COPS4: variants seen among roughly 807,000 people sequenced by gnomAD.
The protein encoded by COPS4 is COP9 signalosome subunit 4.
COPS4 carries 8 observed loss-of-function variants against 55.1 expected under a neutral mutation model. That is an observed-to-expected ratio of 0.15 (90% CI 0.09 to 0.26). COPS4 has a LOEUF of 0.26. Among genes scored for constraint, COPS4 ranks in the 10% least tolerant of loss-of-function variants. The pLI is 1.00. For synonymous variants in COPS4, 185 were observed against 165.7 expected, an observed-to-expected ratio of 1.12 and a Z score of -0.90; for missense variants, 248 against 484.0, an observed-to-expected ratio of 0.51 and a Z score of 4.58.
At chr4:83,045,422 G>T (rs1321753937) in intron 1 of COPS4, among the ~76,000 whole-genome samples, 2 of 151,978 alleles carry the variant, frequency 1.3e-5, no homozygotes, top group South Asian at 2.1e-4. Flanking sequence ...TAGATGAAGT[G>T]GTACCTTATA....
chr4:83,069,345 C>T lies in COPS4; in HGVS notation c.1087+823C>T, dbSNP rs185197518. Among the ~76,000 whole-genome samples, 5 of 152,322 alleles carry T rather than the reference C, an allele frequency of 3.3e-5. No homozygotes were observed. In the East Asian group the frequency reaches 9.6e-4, roughly 29 times the overall value. On this transcript the variant is annotated intron_variant, in intron 9 of 9. Transcript: ENST00000264389. Reference sequence around the variant, plus strand: ...TCTTGTTTCTCTAGTGGTCTGTGGTCTGTCTCCGTTACTCTCAGTTCAATT... The same window carrying T: ...TCTTGTTTCTCTAGTGGTCTGTGGTTTGTCTCCGTTACTCTCAGTTCAATT...
intron 6 of COPS4, among the ~76,000 whole-genome samples, chr4:83,058,205 A>G (rs1731063708): frequency 6.6e-6 from 1 of 152,076 alleles, no homozygotes; most frequent in African/African-American, 2.4e-5. Context: ...TAGAATGGGT[A>G]TTAAGAGGAA....
chr4:83,047,550 AAAAAAACAATT>A (rs2126129072), intron 2 of COPS4, among the ~76,000 whole-genome samples: 1 of 151,654 alleles, frequency 6.6e-6, no homozygotes, highest in East Asian at 2.0e-4. Context: ...AGATTGTCTC[AAAAAAACAATT>A]AAAAAACATA....
intron 6 of COPS4, among the ~76,000 whole-genome samples, chr4:83,062,627 G>C (rs1300124748): frequency 2.0e-5 from 3 of 152,160 alleles, no homozygotes; most frequent in African/African-American, 7.2e-5. Flanking sequence ...TGATTTTGCT[G>C]TTTAAAATGG....
rs569493759 is a variant in COPS4, at chr4:83,065,978, C to G, written c.887-460C>G. Among the ~76,000 whole-genome samples the G allele has an allele frequency of 5.9e-5, 9 of 152,318 alleles. No homozygotes were observed. In the East Asian group the frequency reaches 1.7e-3, roughly 29 times the overall value. ...ACTGCCTGGCCAACATGACGAAACC[C>G]TGTCCCTACTAAAAATACAAAAAAT... On this transcript the variant is annotated intron_variant, in intron 7 of 9. Transcript: ENST00000264389.
At chr4:83,055,154 C>G (rs1730983838) in intron 4 of COPS4, among the ~76,000 whole-genome samples, 1 of 152,170 alleles carries the variant, frequency 6.6e-6, no homozygotes, top group African/African-American at 2.4e-5. Context: ...CATGGTGGCA[C>G]CACTTTTGCA....
At chr4:83,062,607 C>G (rs534788171) in intron 6 of COPS4, among the ~76,000 whole-genome samples, 48 of 152,184 alleles carry the variant, frequency 3.2e-4, no homozygotes, top group Admixed American at 9.8e-4. Context: ...CACTTCCGTT[C>G]TGTTACCAGT....
At chr4:83,054,545 T>TA (rs1392986860) in intron 4 of COPS4, among the ~76,000 whole-genome samples, 3 of 152,162 alleles carry the variant, frequency 2.0e-5, no homozygotes, top group Non-Finnish European at 2.9e-5. Context: ...GGCCAGTTTG[T>TA]AAAAAAGCCT....
intron 2 of COPS4, among the ~76,000 whole-genome samples, chr4:83,047,656 T>A (rs1730753518): frequency 6.6e-6 from 1 of 152,224 alleles, no homozygotes; most frequent in Non-Finnish European, 1.5e-5. Flanking sequence ...ATCATTTACA[T>A]CAACTGAACA....
chr4:83,036,592 T>C (rs922581095), intron 1 of COPS4, among the ~76,000 whole-genome samples: 6 of 152,230 alleles, frequency 3.9e-5, no homozygotes, highest in African/African-American at 1.2e-4. Flanking sequence ...AAGATGAGTA[T>C]GTGTGTGCAT....
chr4:83,043,873 T>C (rs1730635432), intron 1 of COPS4, among the ~76,000 whole-genome samples: 1 of 152,240 alleles, frequency 6.6e-6, no homozygotes, highest in African/African-American at 2.4e-5. Flanking sequence ...CTTTTGGAAT[T>C]TGCTATCTTT....
intron 1 of COPS4, among the ~76,000 whole-genome samples, chr4:83,042,257 T>C (rs1210947079): frequency 6.6e-6 from 1 of 152,224 alleles, no homozygotes; most frequent in Non-Finnish European, 1.5e-5. Flanking sequence ...CAAAGGTCAT[T>C]TAAAAACTTT....
intron 6 of COPS4, among the ~76,000 whole-genome samples, chr4:83,062,528 G>A (rs1192757964): frequency 6.6e-6 from 1 of 151,744 alleles, no homozygotes; most frequent in Non-Finnish European, 1.5e-5. Flanking sequence ...TAGATTCCCT[G>A]CTTGTTTTTT....
chr4:83,060,418 G>T (rs1432086972), intron 6 of COPS4, among the ~76,000 whole-genome samples: 14 of 150,720 alleles, frequency 9.3e-5, no homozygotes. Flanking sequence ...GCACGATCTC[G>T]GCTCACTGCA....
At chr4:83,067,635 A>T (rs1223999041) in intron 8 of COPS4, among the ~76,000 whole-genome samples, 12 of 151,200 alleles carry the variant, frequency 7.9e-5, no homozygotes, top group African/African-American at 2.9e-4. Context: ...AAGTGCTGGG[A>T]CTACAGGCAT....
chr4:83,057,669 T>C (rs1731049723), intron 6 of COPS4, among the ~76,000 whole-genome samples: 1 of 152,092 alleles, frequency 6.6e-6, no homozygotes, highest in Non-Finnish European at 1.5e-5. Context: ...ACACTTGTAA[T>C]CCCAGCACTT....
At chr4:83,049,073 AT>A in intron 2 of COPS4, 92 bp from the exon 3 acceptor site, 4 of 1,183,830 alleles carry the variant, frequency 3.4e-6, no homozygotes, top group Non-Finnish European at 3.6e-6. Context: ...ACTAATATAG[AT>A]TGTTGTTAGT....
chr4:83,049,361 G>A, intron 3 of COPS4, 44 bp downstream of exon 3: 1 of 1,489,264 alleles, frequency 6.7e-7, no homozygotes. Flanking sequence ...GATAGCAGCA[G>A]TTATTTTGAG....
At chr4:83,041,706 G>A (rs1057216475) in intron 1 of COPS4, among the ~76,000 whole-genome samples, 14 of 151,878 alleles carry the variant, frequency 9.2e-5, no homozygotes, top group Non-Finnish European at 1.8e-4. Flanking sequence ...GGCCTCAAGC[G>A]ATCGTCTTCC....
Sources: allele counts gnomAD v4.1 joint callset (sites outside exome capture counted in the v4.1 genomes callset), GRCh38; gene constraint gnomAD v4.1.1; transcripts MANE v1.5; gene names NCBI Gene and HGNC (gene_info 2026-07-23, HGNC 2026-07-21).